The following ESR1 variants were observed in gnomAD, a reference collection of about 807,000 sequenced individuals.
ESR1 encodes the protein estrogen receptor.
In ESR1, 12 loss-of-function variants were observed where a neutral mutation model predicts 52.7. That is an observed-to-expected ratio of 0.23 (90% CI 0.15 to 0.37). The LOEUF is 0.37. Ranked by LOEUF, ESR1 falls within the 10% of genes least tolerant of loss-of-function variation. The pLI is 1.00. For synonymous variants in ESR1, 305 were observed against 316.8 expected (o/e 0.96, Z 0.39); for missense variants, 584 against 779.7 (o/e 0.75, Z 2.99).
At chr6:152,074,852 C>T (rs1205206966) in intron 6 of ESR1, among the ~76,000 whole-genome samples, 1 of 152,150 alleles carries the variant, frequency 6.6e-6, no homozygotes, top group African/African-American at 2.4e-5. Flanking sequence ...CATGGAGCAT[C>T]TTTTAATAAG....
chr6:152,106,749 C>A (rs1031369763), downstream of ESR1, among the ~76,000 whole-genome samples: 2 of 152,086 alleles, frequency 1.3e-5, no homozygotes, highest in African/African-American at 4.8e-5. Context: ...CCACCAAACC[C>A]AGCTAATTTT....
chr6:151,765,077 CATAAT>C (rs1470371996), intron 2 of ESR1, among the ~76,000 whole-genome samples: 2 of 152,086 alleles, frequency 1.3e-5, no homozygotes, highest in Non-Finnish European at 2.9e-5. Context: ...TTTTGTTTGA[CATAAT>C]ATAGCTAAAT....
At chr6:151,727,920 G>C (rs1320597815) in intron 2 of ESR1, among the ~76,000 whole-genome samples, 1 of 152,190 alleles carries the variant, frequency 6.6e-6, no homozygotes, top group African/African-American at 2.4e-5. Flanking sequence ...TTGGAACTGT[G>C]AGTCAGTTAA....
intron 2 of ESR1, among the ~76,000 whole-genome samples, chr6:151,761,634 T>C (rs897455497): frequency 2.6e-5 from 4 of 152,244 alleles, no homozygotes; most frequent in Non-Finnish European, 4.4e-5. Context: ...AATTAGTTGA[T>C]GCAAAACAGT....
intron 4 of ESR1, among the ~76,000 whole-genome samples, chr6:152,011,125 G>A (rs1365320169): frequency 1.3e-5 from 2 of 151,990 alleles, no homozygotes; most frequent in Non-Finnish European, 2.9e-5. Flanking sequence ...TATCCCAAGT[G>A]ATTTATTTAT....
chr6:152,050,383 A>G (rs1397902049), intron 5 of ESR1, among the ~76,000 whole-genome samples: 2 of 152,226 alleles, frequency 1.3e-5, no homozygotes, highest in African/African-American at 4.8e-5. Context: ...TAAATGAATC[A>G]TGCAACATGG....
intron 1 of ESR1, among the ~76,000 whole-genome samples, chr6:151,672,935 T>C (rs1310000615): frequency 2.0e-5 from 3 of 149,462 alleles, no homozygotes; most frequent in African/African-American, 7.4e-5. Context: ...TTCACGCCAT[T>C]CTCCTGCCTC....
chr6:152,098,976 G>T lies in ESR1; in HGVS notation c.*10G>T, dbSNP rs1447779035. 1.2e-6 allele frequency: 2 copies of T among 1,606,880 alleles called. No homozygotes were observed. The highest frequency in any genetic ancestry group is 1.7e-6 in the Non-Finnish European group (2 of 1,173,544). ...CCCTGCCACGGTCTGAGAGCTCCCTGGCTCCCACACGGTTCAGATAATCCC... is the reference window on the plus strand; with the variant it reads ...CCCTGCCACGGTCTGAGAGCTCCCTTGCTCCCACACGGTTCAGATAATCCC... On this transcript the variant is annotated 3_prime_UTR_variant, in exon 8 of 8. Transcript: ENST00000206249. The surrounding 1 kb of genome is among the most constrained non-coding windows in gnomAD (Gnocchi z 5.1).
chr6:152,108,242 C>T (rs939909915), downstream of ESR1, among the ~76,000 whole-genome samples: 3 of 152,186 alleles, frequency 2.0e-5, no homozygotes, highest in African/African-American at 7.2e-5. Flanking sequence ...TCCACCAAAT[C>T]AAGTGAGCTC....
intron 4 of ESR1, among the ~76,000 whole-genome samples, chr6:151,977,253 T>G (rs1328112494): frequency 6.6e-6 from 1 of 151,968 alleles, no homozygotes; most frequent in Non-Finnish European, 1.5e-5. Flanking sequence ...AGGTTCCAAA[T>G]GGTAAATCCG....
chr6:151,756,161 C>T (rs1472943298), intron 2 of ESR1, among the ~76,000 whole-genome samples: 1 of 152,082 alleles, frequency 6.6e-6, no homozygotes, highest in Non-Finnish European at 1.5e-5. Context: ...CTTCCCTGGC[C>T]CCCATATTTA....
chr6:151,863,897 TACAAA>T (rs1297140156), intron 2 of ESR1, among the ~76,000 whole-genome samples: 1 of 152,136 alleles, frequency 6.6e-6, no homozygotes, highest in African/African-American at 2.4e-5. Context: ...TTACACCTTA[TACAAA>T]AATTAATTCA....
intron 4 of ESR1, among the ~76,000 whole-genome samples, chr6:152,010,009 G>T (rs9340962): frequency 1.6e-4 from 24 of 152,172 alleles, no homozygotes; most frequent in African/African-American, 5.5e-4. Flanking sequence ...GTTAGGAGCT[G>T]AATTAGCGGG....
chr6:151,659,417 C>G (rs1427944823), intron 1 of ESR1, among the ~76,000 whole-genome samples: 1 of 152,230 alleles, frequency 6.6e-6, no homozygotes, highest in Non-Finnish European at 1.5e-5. Context: ...TTCCATTGTT[C>G]CTCCTGCAAA....
chr6:152,055,759 A>C (rs1010776788), intron 5 of ESR1, among the ~76,000 whole-genome samples: 1 of 152,202 alleles, frequency 6.6e-6, no homozygotes, highest in Non-Finnish European at 1.5e-5. Context: ...CATGTAGCCT[A>C]CCTGCCAAGT....
At chr6:151,889,024 T>C (rs1794304924) in intron 3 of ESR1, among the ~76,000 whole-genome samples, 1 of 152,178 alleles carries the variant, frequency 6.6e-6, no homozygotes, top group Non-Finnish European at 1.5e-5. Flanking sequence ...TCCCACTCGA[T>C]CATGGTGAAT....
chr6:151,945,895 A>G (rs1355266489), intron 4 of ESR1, among the ~76,000 whole-genome samples: 4 of 152,194 alleles, frequency 2.6e-5, no homozygotes, highest in African/African-American at 9.7e-5. Flanking sequence ...CAGCCTTGTT[A>G]GAGGCCACCA....
chr6:151,701,075 C>T (rs776138439), intron 1 of ESR1, among the ~76,000 whole-genome samples: 1 of 152,184 alleles, frequency 6.6e-6, no homozygotes. Context: ...CTCAATTTCT[C>T]ACTTGCTCTG....
intron 3 of ESR1, among the ~76,000 whole-genome samples, chr6:151,942,492 T>C (rs1343972571): frequency 6.6e-6 from 1 of 152,088 alleles, no homozygotes; most frequent in Non-Finnish European, 1.5e-5. Context: ...GCTTAAAATA[T>C]ATAGTAAGTG....
Sources: allele counts gnomAD v4.1 joint callset (sites outside exome capture counted in the v4.1 genomes callset), GRCh38; gene constraint gnomAD v4.1.1; non-coding constraint Gnocchi (gnomAD v3.1); transcripts MANE v1.5; gene names NCBI Gene and HGNC (gene_info 2026-07-23, HGNC 2026-07-21).